The following ASCC1 variants were observed in gnomAD, a reference collection of about 807,000 sequenced individuals.
ASCC1 encodes activating signal cointegrator 1 complex subunit 1.
A neutral mutation model predicts 46.6 loss-of-function variants in ASCC1; 35 were observed. That is an observed-to-expected ratio of 0.75 (90% confidence interval 0.57 to 0.99). The LOEUF (loss-of-function observed/expected upper bound fraction) is 0.99. Ranked by LOEUF, ASCC1 falls within the 50% of genes least tolerant of loss-of-function variation. ASCC1 has a pLI of 0.00. For synonymous variants in ASCC1, 143 were observed against 146.6 expected, an observed-to-expected ratio of 0.98 and a Z score of 0.18; for missense variants, 376 against 428.7, an observed-to-expected ratio of 0.88 and a Z score of 1.09.
intron 9 of ASCC1, among the ~76,000 whole-genome samples, chr10:72,109,961 G>A (rs1481972383): frequency 6.6e-6 from 1 of 152,164 alleles, no homozygotes; most frequent in African/African-American, 2.4e-5. Context: ...AGTTCAATTT[G>A]CTGCATTATT....
intron 7 of ASCC1, among the ~76,000 whole-genome samples, chr10:72,144,735 G>C (rs956943459): frequency 2.6e-5 from 4 of 151,660 alleles, no homozygotes; most frequent in African/African-American, 7.3e-5. Flanking sequence ...AAACACTCTA[G>C]AATACTTCAA....
chr10:72,177,829 C>T (rs951474141), intron 5 of ASCC1, among the ~76,000 whole-genome samples: 20 of 152,156 alleles, frequency 1.3e-4, no homozygotes, highest in Non-Finnish European at 1.2e-4. Context: ...AAATAAGGTG[C>T]AGCTTATCTG....
At chr10:72,158,821 C>T (rs1408563976) in intron 6 of ASCC1, 2 of 152,170 alleles carry the variant, frequency 1.3e-5, no homozygotes, top group East Asian at 1.9e-4. Context: ...GGGACCACTA[C>T]ACCATAAAAG....
chr10:72,114,469 CAA>C (rs1843272325), intron 9 of ASCC1, among the ~76,000 whole-genome samples: 1 of 151,924 alleles, frequency 6.6e-6, no homozygotes, highest in African/African-American at 2.4e-5. Flanking sequence ...ACTAAAAATA[CAA>C]AATATTAGCC....
At chr10:72,186,611 A>T (rs1441413630) in intron 5 of ASCC1, among the ~76,000 whole-genome samples, 2 of 152,194 alleles carry the variant, frequency 1.3e-5, no homozygotes, top group East Asian at 3.8e-4. Context: ...TTTCATAGCC[A>T]TCTTCGTGTC....
chr10:72,216,264 G>A lies in ASCC1; in HGVS notation c.-91C>T, dbSNP rs941733303. ...GGAGAAACAGGAGACTGCTGCAGCA[G>A]ACGTGCGATAGGAAATTTCCCCAGG... On this transcript the variant is annotated 5_prime_UTR_variant, in exon 1 of 10. Coordinates refer to ENST00000672957, the MANE Select transcript of ASCC1 (RefSeq NM_001198800.3). 6.3e-6 allele frequency: 1 copy of A among 159,328 alleles called. No individual in the cohort carries two copies. The highest frequency in any genetic ancestry group is 6.1e-5 in the Admixed American group (1 of 16,508). 9.9% of individuals were successfully genotyped at this position (159,328 alleles called of 1,614,324 possible).
In ASCC1 at chr10:72,172,153, C is replaced by T. The variant is rs1159703424; in HGVS notation, c.490-10479G>A. Among the ~76,000 whole-genome samples, 9 of 151,902 alleles carry T rather than the reference C, an allele frequency of 5.9e-5. No individual in the cohort carries two copies. In the East Asian group the frequency reaches 9.7e-4, roughly 16 times the overall value. On this transcript the variant is annotated intron_variant, in intron 5 of 9. Coordinates refer to ENST00000672957, the MANE Select transcript of ASCC1 (RefSeq NM_001198800.3). ...GCACAAGGCTGGGTGCAGTGGCTCACGCCTGTAATCCCAGCACTTTGGGAG... is the reference window on the plus strand; with the variant it reads ...GCACAAGGCTGGGTGCAGTGGCTCATGCCTGTAATCCCAGCACTTTGGGAG...
chr10:72,160,908 C>A (rs1270034649), intron 6 of ASCC1, among the ~76,000 whole-genome samples: 2 of 151,468 alleles, frequency 1.3e-5, no homozygotes, highest in Non-Finnish European at 1.5e-5. Context: ...ATGGTGAAAC[C>A]CCGTCTCTAC....
chr10:72,129,974 C>A (rs143517470), intron 8 of ASCC1, among the ~76,000 whole-genome samples: 1 of 27,824 alleles, frequency 3.6e-5, no homozygotes. Flanking sequence ...GAGACCTTGT[C>A]TCAAAAAAAA....
At chr10:72,153,494 C>T (rs1290938660) in intron 6 of ASCC1, among the ~76,000 whole-genome samples, 3 of 152,068 alleles carry the variant, frequency 2.0e-5, no homozygotes, top group Admixed American at 6.6e-5. Context: ...GGCGTGATCT[C>T]GGCTCACTGC....
chr10:72,188,596 C>T (rs1853874581), intron 5 of ASCC1, among the ~76,000 whole-genome samples: 1 of 151,990 alleles, frequency 6.6e-6, no homozygotes, highest in Non-Finnish European at 1.5e-5. Context: ...AAGTTTTCAC[C>T]CAAAACATTT....
At chr10:72,197,193 C>T (rs543758538) in intron 4 of ASCC1, among the ~76,000 whole-genome samples, 16 of 152,156 alleles carry the variant, frequency 1.1e-4, no homozygotes, top group Admixed American at 2.6e-4. Context: ...TATCCTTGGC[C>T]GGGCACGGTG....
At chr10:72,108,076 CTTTT>C (rs375287948) in intron 9 of ASCC1, among the ~76,000 whole-genome samples, 4 of 128,340 alleles carry the variant, frequency 3.1e-5, no homozygotes, top group Non-Finnish European at 6.7e-5. Context: ...TTTTCTTTTT[CTTTT>C]TTTTTTTTTT....
chr10:72,167,794 C>A (rs1422270949), intron 5 of ASCC1, among the ~76,000 whole-genome samples: 6 of 152,002 alleles, frequency 3.9e-5, no homozygotes, highest in African/African-American at 1.5e-4. Context: ...CATCACCACA[C>A]CTAGCTAATT....
chr10:72,127,697 T>A (rs1360815615), intron 9 of ASCC1, among the ~76,000 whole-genome samples: 4 of 144,682 alleles, frequency 2.8e-5, no homozygotes, highest in African/African-American at 7.8e-5. Context: ...GTTTCTTATA[T>A]CACCAATTTC....
intron 5 of ASCC1, among the ~76,000 whole-genome samples, chr10:72,186,387 G>A (rs988837510): frequency 6.6e-5 from 10 of 152,120 alleles, no homozygotes; most frequent in Admixed American, 6.6e-4. Flanking sequence ...TATTAAGCAA[G>A]GGAATGTTGA....
intron 8 of ASCC1, among the ~76,000 whole-genome samples, chr10:72,128,705 A>T (rs1488205009): frequency 6.6e-6 from 1 of 152,248 alleles, no homozygotes; most frequent in Non-Finnish European, 1.5e-5. Flanking sequence ...CTACACAGGA[A>T]TGCAGCAAAT....
At chr10:72,207,023 C>G (rs541821043) in intron 3 of ASCC1, among the ~76,000 whole-genome samples, 1 of 152,114 alleles carries the variant, frequency 6.6e-6, no homozygotes, top group Admixed American at 6.6e-5. Context: ...AACAGGTGTG[C>G]GGCATGACAT....
chr10:72,140,813 G>C (rs1197307417), intron 7 of ASCC1, among the ~76,000 whole-genome samples: 1 of 152,192 alleles, frequency 6.6e-6, no homozygotes, highest in Non-Finnish European at 1.5e-5. Flanking sequence ...CTGCACCACT[G>C]TGGAATTTAA....
Sources: gnomAD v4.1 joint callset for allele counts (sites outside exome capture counted in the v4.1 genomes callset) on GRCh38, gnomAD v4.1.1 for gene constraint, MANE v1.5 for transcripts, NCBI Gene and HGNC (gene_info 2026-07-23, HGNC 2026-07-21) for gene names.